The following DGLUCY variants were observed in gnomAD, a reference collection of about 807,000 sequenced individuals.
The protein encoded by DGLUCY is D-glutamate cyclase, mitochondrial.
In DGLUCY, 58 loss-of-function variants were observed where a neutral mutation model predicts 58.5. The ratio of observed to expected loss-of-function variants is 0.99; its 90% CI spans 0.80 to 1.23. The LOEUF (loss-of-function observed/expected upper bound fraction) is 1.23. Ranked by LOEUF, DGLUCY falls within the 50% of genes most tolerant of loss-of-function variation. The pLI is 0.00. For missense variants in DGLUCY, 779 were observed against 784.7 expected, an observed-to-expected ratio of 0.99 and a Z score of 0.09; for synonymous variants, 325 against 314.1, an observed-to-expected ratio of 1.03 and a Z score of -0.37.
chr14:91,215,304 G>T, intron 12 of DGLUCY, 101 bp from the exon 13 acceptor site: 1 of 1,501,534 alleles, frequency 6.7e-7, no homozygotes, highest in Non-Finnish European at 8.9e-7. Context: ...GGTGCTACGG[G>T]ACCGTGGACC....
chr14:91,060,583 T>C, exon 1 of DGLUCY: 1 of 1,081,640 alleles, frequency 9.2e-7, no homozygotes, highest in Non-Finnish European at 1.2e-6. Context: ...TCTTTCCCGC[T>C]CTGGCCGCAC....
chr14:91,101,151 A>G (rs1337200710), intron 1 of DGLUCY, among the ~76,000 whole-genome samples: 5 of 152,204 alleles, frequency 3.3e-5, no homozygotes, highest in African/African-American at 9.7e-5. Flanking sequence ...ATGGGTGTCA[A>G]TAAAGATATT....
chr14:91,074,900 C>T (rs1261047170), intron 1 of DGLUCY, among the ~76,000 whole-genome samples: 1 of 151,896 alleles, frequency 6.6e-6, no homozygotes, highest in East Asian at 1.9e-4. Flanking sequence ...TGGAGAAACC[C>T]CATCTCTACT....
At chr14:91,069,339 G>C (rs1247065429) in intron 1 of DGLUCY, among the ~76,000 whole-genome samples, 1 of 151,788 alleles carries the variant, frequency 6.6e-6, no homozygotes, top group African/African-American at 2.4e-5. Flanking sequence ...GCAGTGGCGT[G>C]ATCTCAGCTC....
intron 1 of DGLUCY, among the ~76,000 whole-genome samples, chr14:91,088,130 T>C (rs1040753622): frequency 4.6e-5 from 7 of 152,018 alleles, no homozygotes; most frequent in African/African-American, 1.4e-4. Context: ...GAGGACCCCA[T>C]TGGAAATTGC....
At chr14:91,166,791 C>A (rs2048307549) in intron 3 of DGLUCY, among the ~76,000 whole-genome samples, 1 of 151,986 alleles carries the variant, frequency 6.6e-6, no homozygotes, top group African/African-American at 2.4e-5. Context: ...AATAGCAAGA[C>A]CTTGCCACTT....
At chr14:91,106,597 C>T (rs147214802), upstream of DGLUCY, among the ~76,000 whole-genome samples, 4,647 of 151,604 alleles carry the variant, frequency 0.031, 137 homozygotes, top group Non-Finnish European at 0.045. Context: ...ATCCCAGCTA[C>T]GCGGGAGGCT....
intron 1 of DGLUCY, among the ~76,000 whole-genome samples, chr14:91,061,149 C>T (rs2043665957): frequency 6.6e-6 from 1 of 152,170 alleles, no homozygotes; most frequent in Non-Finnish European, 1.5e-5. Context: ...CACGTGTTTG[C>T]AGACAAACCT....
chr14:91,203,672 TG>T (rs1315021650), intron 11 of DGLUCY, among the ~76,000 whole-genome samples: 1 of 44,096 alleles, frequency 2.3e-5, no homozygotes, highest in African/African-American at 1.4e-4. Context: ...TAGGTTTTTT[TG>T]TGTGTTTTTT....
intron 1 of DGLUCY, among the ~76,000 whole-genome samples, chr14:91,148,231 ATCTC>A (rs1187446057): frequency 6.6e-6 from 1 of 150,904 alleles, no homozygotes; most frequent in Non-Finnish European, 1.5e-5. Flanking sequence ...TTGAGACAGG[ATCTC>A]TCTCCATCAC....
chr14:91,206,390 T>C (rs1382983319), intron 12 of DGLUCY, among the ~76,000 whole-genome samples: 1 of 152,040 alleles, frequency 6.6e-6, no homozygotes, highest in Non-Finnish European at 1.5e-5. Flanking sequence ...TTTCTTTTTT[T>C]TTTCTTTTCT....
intron 13 of DGLUCY, among the ~76,000 whole-genome samples, chr14:91,221,613 TA>T (rs1426684056): frequency 6.6e-6 from 1 of 151,822 alleles, no homozygotes; most frequent in Non-Finnish European, 1.5e-5. Context: ...GATGGATGGA[TA>T]GATGGGTGAG....
At chr14:91,142,572 G>A (rs1595744197) in intron 1 of DGLUCY, among the ~76,000 whole-genome samples, 1 of 152,048 alleles carries the variant, frequency 6.6e-6, no homozygotes, top group Non-Finnish European at 1.5e-5. Context: ...CCAGAAAAGT[G>A]CACCTCAAAT....
At chr14:91,194,733 G>A (rs1455420422) in intron 9 of DGLUCY, among the ~76,000 whole-genome samples, 1 of 152,124 alleles carries the variant, frequency 6.6e-6, no homozygotes, top group Non-Finnish European at 1.5e-5. Flanking sequence ...TAGAGACAGG[G>A]TTTCACCACA....
rs748351578 is a variant in DGLUCY at position 91,170,201 on chromosome 14, G to A, written c.456G>A (p.Lys152=). The part of the protein sequence containing the change: ...PAGHSQAGAY[K]TTVPCVTHAG... ...GTCACAGCCAGGCGGGTGCATACAA[G>A]GTAGGGACACAGCCCACAGCCCACA... The change falls in exon 5 of 14, where the codon AAG becomes AAA. Residue 152 remains lysine (K), a splice_region_variant and synonymous_variant. Transcript: ENST00000256324. 8.7e-6 allele frequency: 14 copies of A among 1,613,090 alleles called. No individual in the cohort carries two copies. In the South Asian group the frequency reaches 1.3e-4, roughly 15 times the overall value.
At chr14:91,146,284 A>G (rs1293344824) in intron 1 of DGLUCY, among the ~76,000 whole-genome samples, 1 of 152,214 alleles carries the variant, frequency 6.6e-6, no homozygotes, top group Non-Finnish European at 1.5e-5. Context: ...TCTGACTACC[A>G]TGGATGGGCT....
intron 10 of DGLUCY, among the ~76,000 whole-genome samples, chr14:91,197,257 G>A (rs10147965): frequency 0.19 from 29,105 of 151,980 alleles, 3,896 homozygotes; most frequent in African/African-American, 0.38. Context: ...ATGAGCCACC[G>A]CGCCTGGCCG....
At chr14:91,182,335 G>A (rs1168387582) in intron 8 of DGLUCY, among the ~76,000 whole-genome samples, 2 of 152,068 alleles carry the variant, frequency 1.3e-5, no homozygotes, top group South Asian at 2.1e-4. Context: ...GAGGAAGTTC[G>A]TTGAGTTTAT....
intron 8 of DGLUCY, among the ~76,000 whole-genome samples, chr14:91,185,277 T>TTTTTTTG (rs2049440540): frequency 8.0e-6 from 1 of 125,586 alleles, no homozygotes; most frequent in African/African-American, 3.2e-5. Context: ...CCGGATTTTT[T>TTTTTTTG]TTTTTTTTTT....
Sources: gnomAD v4.1 joint callset for allele counts (sites outside exome capture counted in the v4.1 genomes callset) on GRCh38, gnomAD v4.1.1 for gene constraint, MANE v1.5 for transcripts, NCBI Gene and HGNC (gene_info 2026-07-23, HGNC 2026-07-21) for gene names.